The following MYO18A variants were observed in gnomAD, a reference collection of about 807,000 sequenced individuals.
MYO18A encodes the protein myosin XVIIIA.
MYO18A carries 78 observed loss-of-function variants against 235.8 expected under a neutral mutation model. The ratio of observed to expected loss-of-function variants is 0.33; its 90% confidence interval spans 0.28 to 0.40. The LOEUF (loss-of-function observed/expected upper bound fraction) is 0.40, where lower values mean the gene tolerates loss of function less well. Ranked by LOEUF, MYO18A falls within the 10% of genes least tolerant of loss-of-function variation. The pLI, the probability that MYO18A is intolerant of heterozygous loss-of-function variation, is 1.00. For missense variants in MYO18A, 2,215 were observed against 2,699.3 expected, an observed-to-expected ratio of 0.82 and a Z score of 3.98; for synonymous variants, 977 against 1,077.8, an observed-to-expected ratio of 0.91 and a Z score of 1.83.
At chr17:29,107,275 G>C in intron 19 of MYO18A, 86 bp from the exon 20 acceptor site, 1 of 1,300,160 alleles carries the variant, frequency 7.7e-7, no homozygotes, top group Non-Finnish European at 1.1e-6. Context: ...GCAGTCAGTG[G>C]AGAGTCACCA....
intron 2 of MYO18A, among the ~76,000 whole-genome samples, chr17:29,162,816 A>C (rs968137953): frequency 6.6e-6 from 1 of 152,154 alleles, no homozygotes; most frequent in Non-Finnish European, 1.5e-5. Flanking sequence ...CCAGGCCACA[A>C]ATCTACCCTA....
chr17:29,078,147 G>C (rs8078988), intron 41 of MYO18A: 61,636 of 152,118 alleles, frequency 0.41, 13,498 homozygotes, highest in East Asian at 0.84. Context: ...CTCCCAAGTA[G>C]CTGGGACTAT....
chr17:29,102,211 C>G (rs1447378887), intron 21 of MYO18A, among the ~76,000 whole-genome samples: 1 of 152,216 alleles, frequency 6.6e-6, no homozygotes, highest in Non-Finnish European at 1.5e-5. Flanking sequence ...GAGATGGCAG[C>G]TGGGAAGAGG....
At chr17:29,176,082 T>G (rs2152992961) in intron 1 of MYO18A, among the ~76,000 whole-genome samples, 1 of 152,034 alleles carries the variant, frequency 6.6e-6, no homozygotes, top group African/African-American at 2.4e-5. Context: ...TCTGGAAAAA[T>G]TCGATCCAAA....
chr17:29,127,305 A>G (rs2067345778), intron 2 of MYO18A, among the ~76,000 whole-genome samples: 1 of 152,212 alleles, frequency 6.6e-6, no homozygotes, highest in Non-Finnish European at 1.5e-5. Flanking sequence ...GTTGTTGCTC[A>G]TTATGTATAC....
rs528331095 is a variant in MYO18A at position 29,117,064 on chromosome 17, A to G, written c.2039-609T>C. On this transcript the variant is annotated intron_variant, in intron 10 of 41. Transcript: ENST00000527372. The surrounding 1 kb of genome is among the most constrained non-coding windows in gnomAD (Gnocchi z 4.6). ...CTCCATACACCCACCACCTGCCAGGACTTTCTCACTCCAGCTGAGCAGCCT... is the reference window on the plus strand; with the variant it reads ...CTCCATACACCCACCACCTGCCAGGGCTTTCTCACTCCAGCTGAGCAGCCT... Among the ~76,000 whole-genome samples, 67 of 152,146 alleles carry G rather than the reference A, an allele frequency of 4.4e-4. No individual in the cohort carries two copies. The highest frequency in any genetic ancestry group is 1.7e-3 in the Admixed American group (26 of 15,302).
At chr17:29,178,076 G>A (rs2068571942) in intron 1 of MYO18A, among the ~76,000 whole-genome samples, 1 of 152,062 alleles carries the variant, frequency 6.6e-6, no homozygotes, top group Non-Finnish European at 1.5e-5. Flanking sequence ...GAGTTTTCAG[G>A]CCCAGTTTCT....
chr17:29,084,179 AGTGT>A (rs1331354960), intron 40 of MYO18A, among the ~76,000 whole-genome samples: 2 of 152,080 alleles, frequency 1.3e-5, no homozygotes, highest in Non-Finnish European at 2.9e-5. Context: ...AGCACACACC[AGTGT>A]GTGTGAGTGT....
At chr17:29,134,519 C>CTATT (rs886357134) in intron 2 of MYO18A, among the ~76,000 whole-genome samples, 43 of 152,076 alleles carry the variant, frequency 2.8e-4, no homozygotes, top group South Asian at 1.2e-3. Context: ...CACTCAAACT[C>CTATT]TATTTATTTA....
intron 2 of MYO18A, among the ~76,000 whole-genome samples, chr17:29,148,134 A>C (rs1035004268): frequency 2.6e-5 from 4 of 152,106 alleles, no homozygotes; most frequent in African/African-American, 9.7e-5. Context: ...TTGTTAAGAT[A>C]TATCTTAACA....
chr17:29,124,965 C>T (rs2067286643), intron 2 of MYO18A, among the ~76,000 whole-genome samples: 1 of 152,152 alleles, frequency 6.6e-6, no homozygotes, highest in South Asian at 2.1e-4. Flanking sequence ...CCCGGTGGCC[C>T]GGGCAGGAGT....
At chr17:29,172,768 G>A (rs2068434572) in intron 1 of MYO18A, among the ~76,000 whole-genome samples, 1 of 152,194 alleles carries the variant, frequency 6.6e-6, no homozygotes, top group Non-Finnish European at 1.5e-5. Context: ...GCCCAAAGAA[G>A]TGAAGGTAAC....
At position 29,110,446 on chromosome 17, in the gene MYO18A, T is replaced by G. The variant is rs1482273200; in HGVS notation, c.3077A>C (p.Lys1026Thr). ...CCGGCTGGCACTCACCACCTGTAGCTTCATCTGGATGCACAGTGACTTCTT... is the reference window on the plus strand; with the variant it reads ...CCGGCTGGCACTCACCACCTGTAGCGTCATCTGGATGCACAGTGACTTCTT... The part of the protein sequence containing the change: ...VKKKSLCIQM[K>T]LQVDALIDTI... Residue 1026 changes from lysine (K) to threonine (T), a missense_variant, in exon 18 of 42, where the codon AAG becomes ACG. Physicochemically the swap from Lys to Thr is moderately conservative, Grantham distance 78 (BLOSUM62 -1). Transcript: ENST00000527372. The G allele has an allele frequency of 3.1e-6, 5 of 1,588,574 alleles. No homozygotes were observed. The East Asian group carries it at 6.9e-5, about 22-fold the overall frequency.
intron 41 of MYO18A, 121 bp from the exon 42 acceptor site, chr17:29,075,035 T>A: frequency 8.2e-7 from 1 of 1,215,934 alleles, no homozygotes; most frequent in Non-Finnish European, 1.2e-6. Context: ...CAAACATTGT[T>A]AAGTAAAAAC....
chr17:29,095,449 C>A (rs1373357003), intron 28 of MYO18A, among the ~76,000 whole-genome samples: 1 of 152,256 alleles, frequency 6.6e-6, no homozygotes, highest in African/African-American at 2.4e-5. Context: ...CACTAACTCA[C>A]TTTCCACAGT....
intron 1 of MYO18A, among the ~76,000 whole-genome samples, chr17:29,173,130 T>C (rs2068443428): frequency 6.6e-6 from 1 of 151,918 alleles, no homozygotes; most frequent in Non-Finnish European, 1.5e-5. Flanking sequence ...GTTTCGCTCT[T>C]GTTGCCCAGG....
At chr17:29,119,902 G>T (rs963449034) in intron 7 of MYO18A, among the ~76,000 whole-genome samples, 2 of 151,678 alleles carry the variant, frequency 1.3e-5, no homozygotes, top group Non-Finnish European at 2.9e-5. Context: ...TTAAGATAGG[G>T]TCTCGCTCTG....
rs987339898 is a variant in MYO18A at position 29,174,524 on chromosome 17, A to T, written c.-82+5789T>A. ...TCTCAAAAAATAAAAAAAATAAAAA[A>T]AAATAAAATGCTGGGCATGGTGGCT... On this transcript the variant is annotated intron_variant, in intron 1 of 41. Coordinates refer to ENST00000527372, the MANE Select transcript of MYO18A (RefSeq NM_078471.4). Among the ~76,000 whole-genome samples the T allele has an allele frequency of 3.9e-5, 6 of 152,184 alleles. No individual in the cohort carries two copies. The South Asian group carries it at 6.2e-4, about 16-fold the overall frequency.
chr17:29,142,988 A>G lies in MYO18A; in HGVS notation c.1000-20735T>C, dbSNP rs534203836. Among the ~76,000 whole-genome samples the G allele has an allele frequency of 2.0e-5, 3 of 152,034 alleles. No individual in the cohort carries two copies. In the East Asian group the frequency reaches 5.8e-4, roughly 30 times the overall value. On this transcript the variant is annotated intron_variant, in intron 2 of 41. Transcript: ENST00000527372. ...ACGCCCAGCTAATTTTTGTATTTTT[A>G]GTGGAGACGGGGTTTCACCATTTTG...
Sources: allele counts gnomAD v4.1 joint callset (sites outside exome capture counted in the v4.1 genomes callset), GRCh38; gene constraint gnomAD v4.1.1; non-coding constraint Gnocchi (gnomAD v3.1); transcripts MANE v1.5; gene names NCBI Gene and HGNC (gene_info 2026-07-23, HGNC 2026-07-21).